The following WNK1 variants were observed in gnomAD, a reference collection of about 807,000 sequenced individuals.
WNK1 encodes the protein WNK lysine deficient protein kinase 1.
WNK1 carries 38 observed loss-of-function variants against 222.8 expected under a neutral mutation model. The observed-to-expected ratio is 0.17, with a 90% CI of 0.13 to 0.22. The LOEUF (loss-of-function observed/expected upper bound fraction) is 0.22. Among genes scored for constraint, WNK1 ranks in the 10% least tolerant of loss-of-function variants. The probability of loss-of-function intolerance (pLI) is 1.00; values close to 1 mark genes in which losing one functional copy is unlikely to be tolerated. For missense variants in WNK1, 2,348 were observed against 2,918.4 expected, an observed-to-expected ratio of 0.80 and a Z score of 4.50; for synonymous variants, 1,090 against 1,092.9, an observed-to-expected ratio of 1.00 and a Z score of 0.05.
chr12:808,567 T>C (rs926872530), intron 1 of WNK1, among the ~76,000 whole-genome samples: 1 of 152,120 alleles, frequency 6.6e-6, no homozygotes, highest in Non-Finnish European at 1.5e-5. Context: ...ACCTAAAGCT[T>C]CCTGTATATG....
intron 1 of WNK1, among the ~76,000 whole-genome samples, chr12:784,811 ATTC>A (rs1197979120): frequency 1.8e-4 from 28 of 152,006 alleles, no homozygotes; most frequent in Admixed American, 1.8e-3. Flanking sequence ...CATTTTGGAG[ATTC>A]TTCTTATATC....
intron 4 of WNK1, among the ~76,000 whole-genome samples, chr12:836,180 A>C (rs1949165131): frequency 6.6e-6 from 1 of 152,172 alleles, no homozygotes; most frequent in Admixed American, 6.5e-5. Flanking sequence ...TTCAAAACTG[A>C]GGGGAAAAAT....
intron 1 of WNK1, among the ~76,000 whole-genome samples, chr12:778,447 C>G (rs1309970677): frequency 6.6e-6 from 1 of 152,066 alleles, no homozygotes; most frequent in Non-Finnish European, 1.5e-5. Flanking sequence ...GTTCTCCTGC[C>G]TCAGCCTTCC....
chr12:900,703 T>C lies in WNK1; in HGVS notation c.6643+33T>C, dbSNP rs755360991. 3 of 1,613,390 alleles carry C rather than the reference T, an allele frequency of 1.9e-6. No individual in the cohort carries two copies. In the East Asian group the frequency reaches 6.7e-5, roughly 36 times the overall value. ...AGCAACCATCATCGTCCAAAAACAA[T>C]AAAATGGAGATGTTGCCATACCTGG... On this transcript the variant is annotated intron_variant, in intron 26 of 27. Transcript: ENST00000315939.
At chr12:861,405 C>T in intron 7 of WNK1, 62 bp downstream of exon 7, 4 of 1,535,458 alleles carry the variant, frequency 2.6e-6, no homozygotes, top group Non-Finnish European at 2.7e-6. Context: ...TTTTTAGCTT[C>T]TTGTTATTTT....
chr12:782,988 C>T (rs1223537408), intron 1 of WNK1, among the ~76,000 whole-genome samples: 6 of 151,874 alleles, frequency 4.0e-5, no homozygotes, highest in Admixed American at 6.6e-5. Flanking sequence ...ACTGCAGCTT[C>T]GAACTCCTGG....
chr12:807,387 A>C (rs980139661), intron 1 of WNK1, among the ~76,000 whole-genome samples: 9 of 151,070 alleles, frequency 6.0e-5, no homozygotes, highest in African/African-American at 2.2e-4. Flanking sequence ...CTGAAAACCT[A>C]ACTCTTTGTT....
chr12:896,885 ACCACACACACAC>A (rs1403596943), intron 24 of WNK1, among the ~76,000 whole-genome samples, 153 bp downstream of exon 24: 1 of 77,578 alleles, frequency 1.3e-5, no homozygotes, highest in African/African-American at 5.6e-5. Flanking sequence ...ATACCTCCCC[ACCACACACACAC>A]ACACACACAC....
intron 1 of WNK1, among the ~76,000 whole-genome samples, chr12:773,278 AAAG>A (rs1036656681): frequency 1.1e-4 from 17 of 152,096 alleles, no homozygotes; most frequent in African/African-American, 3.1e-4. Context: ...AAAGTTCTTT[AAAG>A]AAGTTTAGTT....
chr12:815,001 T>C (rs1300488627), intron 2 of WNK1, among the ~76,000 whole-genome samples: 1 of 152,150 alleles, frequency 6.6e-6, no homozygotes, highest in Non-Finnish European at 1.5e-5. Context: ...CAGTTCACAG[T>C]AGGGTTCATG....
chr12:761,421 T>C (rs1172647651), intron 1 of WNK1, among the ~76,000 whole-genome samples: 1 of 148,080 alleles, frequency 6.8e-6, no homozygotes, highest in Non-Finnish European at 1.5e-5. Context: ...CAGTTTGAAT[T>C]TAAGAGTGTT....
At chr12:800,784 G>A (rs142441019) in intron 1 of WNK1, among the ~76,000 whole-genome samples, 1 of 152,298 alleles carries the variant, frequency 6.6e-6, no homozygotes, top group African/African-American at 2.4e-5. Flanking sequence ...GTTCTGGGAT[G>A]TTAATTTGCA....
At chr12:803,155 A>G (rs938969879) in intron 1 of WNK1, among the ~76,000 whole-genome samples, 3 of 152,242 alleles carry the variant, frequency 2.0e-5, no homozygotes, top group African/African-American at 7.2e-5. Context: ...AGTTAGATAA[A>G]TAATGGTTAC....
intron 2 of WNK1, among the ~76,000 whole-genome samples, chr12:826,327 C>G (rs1948357520): frequency 6.6e-6 from 1 of 152,170 alleles, no homozygotes; most frequent in Non-Finnish European, 1.5e-5. Context: ...GACAGACCAT[C>G]CTTGCAGAAA....
intron 4 of WNK1, among the ~76,000 whole-genome samples, chr12:834,900 T>C (rs1287080257): frequency 6.6e-6 from 1 of 152,228 alleles, no homozygotes; most frequent in African/African-American, 2.4e-5. Context: ...GCATCCAGAA[T>C]CTTCCTTTTT....
At chr12:787,598 T>C (rs148495146) in intron 1 of WNK1, among the ~76,000 whole-genome samples, 211 of 152,364 alleles carry the variant, frequency 1.4e-3, no homozygotes, top group Non-Finnish European at 2.1e-3. Context: ...TGCCTGGTTC[T>C]TAACCTATAT....
rs908413636 is a variant in WNK1 at position 910,282 on chromosome 12, TAATC to T, written c.*1491_*1494del. The T allele has an allele frequency of 6.9e-5, 9 of 129,952 alleles. No homozygotes were observed. Among genetic ancestry groups the T allele is most frequent in the East Asian group, 2.7e-4 (1 of 3,658 alleles). The allele number at this position is 129,952 out of a possible 1,614,324, so 8.0% of individuals were successfully genotyped here. A position where few individuals can be genotyped will look rare whatever the true frequency, so the allele number is the denominator to read the frequency against. Reference sequence around the variant, plus strand: ...TGGGGTACTACATTTTGTGGAAAGTTAATCTATCTATCTTTCCACATCTGAATTA... The same window carrying T: ...TGGGGTACTACATTTTGTGGAAAGTTTATCTATCTTTCCACATCTGAATTA... On this transcript the variant is annotated 3_prime_UTR_variant, in exon 28 of 28. Coordinates refer to ENST00000315939, the MANE Select transcript of WNK1 (RefSeq NM_018979.4).
intron 4 of WNK1, among the ~76,000 whole-genome samples, chr12:831,664 T>G (rs1175547985): frequency 6.6e-6 from 1 of 152,226 alleles, no homozygotes; most frequent in Admixed American, 6.5e-5. Flanking sequence ...TTTTTAATTT[T>G]AAATATATAT....
intron 1 of WNK1, among the ~76,000 whole-genome samples, chr12:807,678 T>G (rs1202778875): frequency 6.6e-6 from 1 of 151,174 alleles, no homozygotes; most frequent in Non-Finnish European, 1.5e-5. Flanking sequence ...GTCTCTGAAG[T>G]GTAAGATTTC....
Sources: allele counts gnomAD v4.1 joint callset (sites outside exome capture counted in the v4.1 genomes callset), GRCh38; gene constraint gnomAD v4.1.1; transcripts MANE v1.5; gene names NCBI Gene and HGNC (gene_info 2026-07-23, HGNC 2026-07-21).